Variants in SYN2 observed in about 807,000 individuals in gnomAD.
SYN2 encodes synapsin II, also known as synapsin-2.
SYN2 carries 19 observed loss-of-function variants against 50.9 expected under a neutral mutation model. That is an observed-to-expected ratio of 0.37 (90% confidence interval 0.26 to 0.55). The LOEUF (loss-of-function observed/expected upper bound fraction) is 0.55. SYN2 is among the 20% of genes least tolerant of loss of function. The pLI is 0.81. For synonymous variants in SYN2, 255 were observed against 224.9 expected, an observed-to-expected ratio of 1.13 and a Z score of -1.20; for missense variants, 587 against 576.4, an observed-to-expected ratio of 1.02 and a Z score of -0.19.
intron 9 of SYN2, 97 bp from the exon 10 acceptor site, chr3:12,169,660 A>C: frequency 7.2e-7 from 1 of 1,389,676 alleles, no homozygotes; most frequent in Non-Finnish European, 9.9e-7. Flanking sequence ...TCTCCAGTCC[A>C]TCTCTGCTGG....
chr3:12,057,081 C>T (rs1695006329), intron 1 of SYN2, among the ~76,000 whole-genome samples: 1 of 152,054 alleles, frequency 6.6e-6, no homozygotes, highest in African/African-American at 2.4e-5. Flanking sequence ...CACTTGAGGT[C>T]AGGAGTTCAA....
At chr3:12,086,907 G>T (rs1023961111) in intron 1 of SYN2, among the ~76,000 whole-genome samples, 7 of 152,042 alleles carry the variant, frequency 4.6e-5, no homozygotes, top group Non-Finnish European at 7.4e-5. Flanking sequence ...AAATAGAAAA[G>T]GAGGAAGGGA....
At chr3:12,086,341 AG>A (rs1469406924) in intron 1 of SYN2, among the ~76,000 whole-genome samples, 2 of 152,188 alleles carry the variant, frequency 1.3e-5, no homozygotes, top group Non-Finnish European at 2.9e-5. Context: ...ATGGAAGAGG[AG>A]GGAATACTTC....
chr3:12,040,488 G>A (rs1358988740), intron 1 of SYN2, among the ~76,000 whole-genome samples: 4 of 146,922 alleles, frequency 2.7e-5, no homozygotes, highest in Non-Finnish European at 3.0e-5. Context: ...GCTGGAGTGC[G>A]GTGGCGTGAT....
intron 1 of SYN2, among the ~76,000 whole-genome samples, chr3:12,017,238 G>A (rs1015983095): frequency 2.6e-5 from 4 of 152,172 alleles, no homozygotes; most frequent in African/African-American, 4.8e-5. Context: ...GATAAACAAG[G>A]TGGGAAAAAT....
intron 1 of SYN2, among the ~76,000 whole-genome samples, chr3:12,103,248 A>G (rs558998027): frequency 2.0e-5 from 3 of 152,144 alleles, no homozygotes; most frequent in African/African-American, 4.8e-5. Flanking sequence ...AAAATTTATT[A>G]TATAACAGAG....
intron 1 of SYN2, among the ~76,000 whole-genome samples, chr3:12,061,233 T>C (rs1468605211): frequency 6.6e-6 from 1 of 152,070 alleles, no homozygotes; most frequent in Admixed American, 6.6e-5. Flanking sequence ...ATGTGAGATA[T>C]TTTCAATAGG....
At chr3:12,185,382 A>G in intron 11 of SYN2, 1 of 985,774 alleles carries the variant, frequency 1.0e-6, no homozygotes, top group Non-Finnish European at 1.2e-6. Flanking sequence ...CAAAGTTGCC[A>G]TTTGAATTCA....
At chr3:12,105,543 A>G (rs931441654) in intron 1 of SYN2, among the ~76,000 whole-genome samples, 8 of 149,164 alleles carry the variant, frequency 5.4e-5, no homozygotes, top group Non-Finnish European at 1.2e-4. Context: ...TGAAAAGGAA[A>G]GAAAACCTGA....
At chr3:12,055,233 TA>T (rs1251032880) in intron 1 of SYN2, among the ~76,000 whole-genome samples, 1 of 152,094 alleles carries the variant, frequency 6.6e-6, no homozygotes, top group Admixed American at 6.5e-5. Flanking sequence ...ATGAAAATCT[TA>T]AAAATTCCCC....
chr3:12,187,087 G>A (rs1301833298), intron 11 of SYN2, among the ~76,000 whole-genome samples: 2 of 152,180 alleles, frequency 1.3e-5, no homozygotes, highest in African/African-American at 4.8e-5. Context: ...GGCCCTCTGT[G>A]AGAGAGTGCG....
At chr3:12,075,334 G>A (rs1444596581) in intron 1 of SYN2, among the ~76,000 whole-genome samples, 1 of 152,152 alleles carries the variant, frequency 6.6e-6, no homozygotes, top group Non-Finnish European at 1.5e-5. Flanking sequence ...CAAAGAAATA[G>A]AATTGAGATT....
At chr3:12,188,471 C>T (rs1698387381) in intron 12 of SYN2, among the ~76,000 whole-genome samples, 2 of 152,186 alleles carry the variant, frequency 1.3e-5, no homozygotes, top group African/African-American at 2.4e-5. Context: ...AGTGATACAC[C>T]CCTGCTTCTC....
chr3:12,046,456 A>G (rs182278990), intron 1 of SYN2, among the ~76,000 whole-genome samples: 1 of 152,244 alleles, frequency 6.6e-6, no homozygotes, highest in African/African-American at 2.4e-5. Context: ...ACAGAGGTTC[A>G]TGCAGAGGCT....
intron 1 of SYN2, among the ~76,000 whole-genome samples, chr3:12,053,958 G>A (rs1410205943): frequency 6.6e-6 from 1 of 152,050 alleles, no homozygotes; most frequent in Non-Finnish European, 1.5e-5. Flanking sequence ...CAGAGCTTGA[G>A]GCAAACATTA....
chr3:12,011,763 G>A (rs1482076433), intron 1 of SYN2, among the ~76,000 whole-genome samples: 5 of 152,110 alleles, frequency 3.3e-5, no homozygotes, highest in Non-Finnish European at 7.4e-5. Context: ...ACAGATTTCC[G>A]CTGGAGGTCT....
chr3:12,088,860 G>A (rs184932019), intron 1 of SYN2, among the ~76,000 whole-genome samples: 4 of 152,314 alleles, frequency 2.6e-5, no homozygotes, highest in Admixed American at 6.5e-5. Context: ...AGAGTAGAAT[G>A]ATGACTAGGG....
intron 1 of SYN2, among the ~76,000 whole-genome samples, chr3:12,010,803 C>T (rs911432532): frequency 3.9e-5 from 6 of 152,154 alleles, no homozygotes; most frequent in African/African-American, 4.8e-5. Context: ...AAACATTTCC[C>T]GGAATGAAAA....
chr3:12,042,004 C>G (rs1047555157), intron 1 of SYN2, among the ~76,000 whole-genome samples: 6 of 152,208 alleles, frequency 3.9e-5, no homozygotes, highest in African/African-American at 1.2e-4. Flanking sequence ...ACAGCCTGCT[C>G]TGCTCTGCCA....
Sources: gnomAD v4.1 joint callset for allele counts (sites outside exome capture counted in the v4.1 genomes callset) on GRCh38, gnomAD v4.1.1 for gene constraint, MANE v1.5 for transcripts, NCBI Gene and HGNC (gene_info 2026-07-23, HGNC 2026-07-21) for gene names.